The following ADGRE2 variants were observed in gnomAD, a reference collection of about 807,000 sequenced individuals.
The protein encoded by ADGRE2 is adhesion G protein-coupled receptor E2, also known as CD97 antigen.
A neutral mutation model predicts 100.8 loss-of-function variants in ADGRE2; 83 were observed. The ratio of observed to expected loss-of-function variants is 0.82; its 90% CI spans 0.69 to 0.99. The LOEUF (loss-of-function observed/expected upper bound fraction) is 0.99, where lower values mean the gene tolerates loss of function less well. Among genes scored for constraint, ADGRE2 ranks in the 50% least tolerant of loss-of-function variants. ADGRE2 has a pLI of 0.00. For missense variants in ADGRE2, 814 were observed against 1,035.7 expected (o/e 0.79, Z 2.94); for synonymous variants, 355 against 413.0 (o/e 0.86, Z 1.70).
At chr19:14,758,812 G>A (rs1202247512) in intron 11 of ADGRE2, among the ~76,000 whole-genome samples, 1 of 149,170 alleles carries the variant, frequency 6.7e-6, no homozygotes, top group East Asian at 2.0e-4. Flanking sequence ...GTGACCCCGG[G>A]AGGCGGAGCT....
At chr19:14,774,748 A>C (rs1362939211) in intron 2 of ADGRE2, among the ~76,000 whole-genome samples, 1 of 134,078 alleles carries the variant, frequency 7.5e-6, no homozygotes, top group Non-Finnish European at 1.6e-5. Flanking sequence ...ATCTCGGCTA[A>C]TTGCAATCTC....
At chr19:14,752,234 G>T in intron 15 of ADGRE2, 95 bp downstream of exon 15, 2 of 1,486,390 alleles carry the variant, frequency 1.3e-6, no homozygotes, top group Non-Finnish European at 1.8e-6. Flanking sequence ...CGCCCAGCCG[G>T]GCTATTATAT....
chr19:14,742,390 C>T (rs1370895486), intron 20 of ADGRE2, among the ~76,000 whole-genome samples: 2 of 152,142 alleles, frequency 1.3e-5, no homozygotes, highest in Non-Finnish European at 2.9e-5. Flanking sequence ...CACAACCACC[C>T]TCAGCTAATT....
intron 11 of ADGRE2, among the ~76,000 whole-genome samples, chr19:14,760,396 G>A (rs1002145931): frequency 6.6e-6 from 1 of 152,144 alleles, no homozygotes; most frequent in African/African-American, 2.4e-5. Flanking sequence ...TTTTGCTGAA[G>A]GTGTGGAGAG....
intron 14 of ADGRE2, among the ~76,000 whole-genome samples, chr19:14,753,184 A>C (rs1215019560): frequency 6.6e-6 from 1 of 151,948 alleles, no homozygotes; most frequent in African/African-American, 2.4e-5. Flanking sequence ...CAGAGATTCC[A>C]GGTGTGGGCC....
At chr19:14,775,273 G>T (rs2044393929) in intron 2 of ADGRE2, among the ~76,000 whole-genome samples, 1 of 151,606 alleles carries the variant, frequency 6.6e-6, no homozygotes, top group South Asian at 2.1e-4. Context: ...TCAAAGTGCT[G>T]GGATTACAGG....
chr19:14,753,850 T>C (rs2335216), intron 14 of ADGRE2, among the ~76,000 whole-genome samples: 64,228 of 151,444 alleles, frequency 0.42, 14,749 homozygotes, highest in African/African-American at 0.6. Flanking sequence ...TGAGTCTTTA[T>C]AAGCTCTGGG....
chr19:14,751,908 C>CAT (rs1422380926), intron 15 of ADGRE2, among the ~76,000 whole-genome samples: 1 of 68,924 alleles, frequency 1.5e-5, no homozygotes, highest in African/African-American at 6.2e-5. Context: ...CACACACACA[C>CAT]ACACATATAT....
chr19:14,754,856 G>T, intron 14 of ADGRE2, 98 bp downstream of exon 14: 1 of 1,355,390 alleles, frequency 7.4e-7, no homozygotes, highest in Non-Finnish European at 1.0e-6. Flanking sequence ...ACCCAGAGCT[G>T]TGAGATAATG....
intron 5 of ADGRE2, among the ~76,000 whole-genome samples, chr19:14,768,252 C>T (rs1217214628): frequency 6.6e-6 from 1 of 152,170 alleles, no homozygotes; most frequent in African/African-American, 2.4e-5. Flanking sequence ...GAGTCTGGTG[C>T]TGCATAGGCC....
At chr19:14,743,295 G>C (rs936937358) in intron 20 of ADGRE2, 125 bp downstream of exon 20, 3 of 756,454 alleles carry the variant, frequency 4.0e-6, no homozygotes, top group Non-Finnish European at 7.1e-6. Flanking sequence ...ATGAGTCAAG[G>C]CGTACTCAGA....
In ADGRE2 at chr19:14,756,262, G is replaced by A. The variant is rs2043498537; in HGVS notation, c.1168C>T (p.Gln390Ter). The A allele has an allele frequency of 1.2e-6, 2 of 1,613,838 alleles. No individual in the cohort carries two copies. The highest frequency in any genetic ancestry group is 1.7e-6 in the Non-Finnish European group (2 of 1,179,946). Residue 390 changes from glutamine to a stop codon, truncating the protein, a stop_gained, in exon 12 of 21, where the codon CAG (glutamine) becomes TAG (stop). Transcript: ENST00000315576. LOFTEE classifies it high-confidence loss of function. ...NQAVMQLDWN[Q>*]AQKSGDPGPS... ...CCTGGGTCACCAGATTTCTGTGCCT[G>A]ATTCCAGTCGAGCTGCATCACTGCC...
rs1345607590 is a variant in ADGRE2 at position 14,742,524 on chromosome 19, C to T, written c.2463+896G>A. 3.9e-5 allele frequency among the ~76,000 whole-genome samples: 6 copies of T among 152,172 alleles called. No individual in the cohort carries two copies. The South Asian group carries it at 6.2e-4, about 16-fold the overall frequency. ...TGGGATTACAGGCATGAGCCACCATCGCTGGCCCCATTACTGCTTTTCTTT... is the reference window on the plus strand; with the variant it reads ...TGGGATTACAGGCATGAGCCACCATTGCTGGCCCCATTACTGCTTTTCTTT... On this transcript the variant is annotated intron_variant, in intron 20 of 20. Coordinates refer to ENST00000315576, the MANE Select transcript of ADGRE2 (RefSeq NM_013447.4).
chr19:14,745,979 C>G (rs1207439917), intron 18 of ADGRE2, among the ~76,000 whole-genome samples: 1 of 152,102 alleles, frequency 6.6e-6, no homozygotes, highest in Non-Finnish European at 1.5e-5. Context: ...TACCATTTAC[C>G]AGTCAATGAA....
At chr19:14,764,236 AT>A (rs61472082) in intron 11 of ADGRE2, among the ~76,000 whole-genome samples, 196 bp downstream of exon 11, 6,263 of 151,154 alleles carry the variant, frequency 0.041, 140 homozygotes, top group South Asian at 0.076. Context: ...AATTTAAAAG[AT>A]TTTTTTTTTT....
chr19:14,734,864 G>A lies in ADGRE2; in HGVS notation c.*1372C>T, dbSNP rs1223553240. 1 of 152,234 alleles carries A rather than the reference G, an allele frequency of 6.6e-6. No individual in the cohort carries two copies. Among genetic ancestry groups the A allele is most frequent in the Non-Finnish European group, 1.5e-5 (1 of 68,064 alleles). 9.4% of individuals were successfully genotyped at this position (152,234 alleles called of 1,614,324 possible). On this transcript the variant is annotated 3_prime_UTR_variant, in exon 21 of 21. Coordinates refer to ENST00000315576, the MANE Select transcript of ADGRE2 (RefSeq NM_013447.4). ...TTATAGACAGGCTTGAGAAGGCGGT[G>A]TCTGATTTACCTAGGGCCTACCCCT...
chr19:14,750,483 G>A (rs919540696), intron 16 of ADGRE2, among the ~76,000 whole-genome samples: 1 of 152,050 alleles, frequency 6.6e-6, no homozygotes, highest in Non-Finnish European at 1.5e-5. Flanking sequence ...CAGAGTCAAT[G>A]CTTTCTCCCT....
chr19:14,755,440 G>C (rs1178593655), intron 13 of ADGRE2, among the ~76,000 whole-genome samples: 1 of 152,102 alleles, frequency 6.6e-6, no homozygotes, highest in South Asian at 2.1e-4. Context: ...CTGACACAGC[G>C]AGACTCTGTC....
chr19:14,757,635 G>T (rs1249856581), intron 11 of ADGRE2, among the ~76,000 whole-genome samples: 1 of 152,008 alleles, frequency 6.6e-6, no homozygotes, highest in Non-Finnish European at 1.5e-5. Flanking sequence ...AATAGTGCTG[G>T]GATTACTGGA....
Sources: allele counts gnomAD v4.1 joint callset (sites outside exome capture counted in the v4.1 genomes callset), GRCh38; gene constraint gnomAD v4.1.1; transcripts MANE v1.5; gene names NCBI Gene and HGNC (gene_info 2026-07-23, HGNC 2026-07-21).